ATXN1: variants seen among roughly 807,000 people sequenced by gnomAD.
ATXN1 encodes ataxin 1, also known as ataxin-1.
Under a neutral mutation model 56.4 loss-of-function variants are expected in ATXN1, and 8 were observed. That is an observed-to-expected ratio of 0.14 (90% CI 0.08 to 0.26). The LOEUF is 0.26. ATXN1 is among the 10% of genes least tolerant of loss of function. The pLI, the probability that ATXN1 is intolerant of heterozygous loss-of-function variation, is 1.00. For missense variants in ATXN1, 987 were observed against 1,106.5 expected (o/e 0.89, Z 1.53); for synonymous variants, 514 against 494.6 (o/e 1.04, Z -0.52).
chr6:16,709,025 C>T (rs1350297889), intron 2 of ATXN1, among the ~76,000 whole-genome samples: 1 of 120,994 alleles, frequency 8.3e-6, no homozygotes, highest in Non-Finnish European at 1.8e-5. Flanking sequence ...AACTCTGTCT[C>T]AAAAAAAAAA....
intron 2 of ATXN1, among the ~76,000 whole-genome samples, chr6:16,724,354 C>T (rs1010205759): frequency 7.2e-5 from 11 of 152,016 alleles, no homozygotes; most frequent in Admixed American, 7.2e-4. Flanking sequence ...GCTTTCAGTT[C>T]TTTGTGCATC....
intron 3 of ATXN1, among the ~76,000 whole-genome samples, chr6:16,656,485 G>C (rs1235632050): frequency 6.7e-6 from 1 of 149,052 alleles, no homozygotes; most frequent in African/African-American, 2.6e-5. Flanking sequence ...GTAATATCAT[G>C]AACGGGGTTG....
chr6:16,613,362 T>C (rs867296451), intron 3 of ATXN1, among the ~76,000 whole-genome samples: 3 of 150,990 alleles, frequency 2.0e-5, no homozygotes, highest in Non-Finnish European at 3.0e-5. Flanking sequence ...TTTTAAAATA[T>C]ATACAAAATG....
At chr6:16,361,783 G>C (rs925101707) in intron 6 of ATXN1, among the ~76,000 whole-genome samples, 1 of 152,100 alleles carries the variant, frequency 6.6e-6, no homozygotes, top group Non-Finnish European at 1.5e-5. Context: ...ACTCATTATG[G>C]GAATCATTAC....
intron 6 of ATXN1, among the ~76,000 whole-genome samples, chr6:16,412,773 G>T (rs539105653): frequency 1.3e-5 from 2 of 152,268 alleles, no homozygotes; most frequent in East Asian, 3.9e-4. Context: ...GACTTTCTTT[G>T]TCCTTTTCTC....
chr6:16,434,980 C>G, intron 6 of ATXN1, among the ~76,000 whole-genome samples: 1 of 152,062 alleles, frequency 6.6e-6, no homozygotes, highest in Middle Eastern at 3.4e-3. Context: ...GATAGTGGGC[C>G]GGAAGAGAGA....
At chr6:16,420,533 G>A (rs540064241) in intron 6 of ATXN1, among the ~76,000 whole-genome samples, 116 of 152,316 alleles carry the variant, frequency 7.6e-4, no homozygotes, top group Non-Finnish European at 1.4e-3. Context: ...AGCCTGCATA[G>A]AGGCAGATGT....
intron 3 of ATXN1, among the ~76,000 whole-genome samples, chr6:16,631,764 G>A (rs951887541): frequency 2.0e-5 from 3 of 152,162 alleles, no homozygotes; most frequent in African/African-American, 7.2e-5. Flanking sequence ...TAATCAATAA[G>A]AGTTTTGTTT....
chr6:16,720,870 C>CA (rs1433513097), intron 2 of ATXN1, among the ~76,000 whole-genome samples: 1 of 152,204 alleles, frequency 6.6e-6, no homozygotes, highest in Non-Finnish European at 1.5e-5. Context: ...ACCCATCCAG[C>CA]AAAATATTTC....
intron 2 of ATXN1, among the ~76,000 whole-genome samples, chr6:16,662,428 G>T (rs1758338734): frequency 6.6e-6 from 1 of 152,144 alleles, no homozygotes; most frequent in Non-Finnish European, 1.5e-5. Context: ...TGCCTCTCAG[G>T]TTCAAGCAAT....
intron 5 of ATXN1, among the ~76,000 whole-genome samples, chr6:16,512,659 C>T (rs1382352850): frequency 2.0e-5 from 3 of 152,222 alleles, no homozygotes; most frequent in Non-Finnish European, 4.4e-5. Context: ...ATATAGCAGG[C>T]TCTGTGGTCT....
intron 6 of ATXN1, among the ~76,000 whole-genome samples, chr6:16,461,568 G>C (rs1225339821): frequency 1.3e-5 from 2 of 152,230 alleles, no homozygotes; most frequent in East Asian, 1.9e-4. Flanking sequence ...CCTAAGTCAA[G>C]GGGATTTCAA....
At chr6:16,639,542 A>G (rs1331144677) in intron 3 of ATXN1, among the ~76,000 whole-genome samples, 1 of 152,104 alleles carries the variant, frequency 6.6e-6, no homozygotes, top group East Asian at 1.9e-4. Context: ...TTGAACTCCC[A>G]ACCTCAGGTG....
At chr6:16,565,156 C>T (rs756603104) in intron 4 of ATXN1, among the ~76,000 whole-genome samples, 1 of 152,228 alleles carries the variant, frequency 6.6e-6, no homozygotes, top group East Asian at 1.9e-4. Context: ...TCTTCACAGG[C>T]GAAAGCTTTA....
At chr6:16,412,814 A>C (rs1397754431) in intron 6 of ATXN1, among the ~76,000 whole-genome samples, 2 of 152,222 alleles carry the variant, frequency 1.3e-5, no homozygotes, top group Non-Finnish European at 2.9e-5. Flanking sequence ...CAAATTCCCC[A>C]AAGGTCATGA....
intron 6 of ATXN1, among the ~76,000 whole-genome samples, chr6:16,451,615 C>T (rs1581772060): frequency 6.6e-6 from 1 of 151,794 alleles, no homozygotes; most frequent in Non-Finnish European, 1.5e-5. Flanking sequence ...ATTAGCCGGG[C>T]GTGGTGGCAC....
At chr6:16,398,286 T>A (rs1310630241) in intron 6 of ATXN1, among the ~76,000 whole-genome samples, 1 of 152,212 alleles carries the variant, frequency 6.6e-6, no homozygotes, top group Non-Finnish European at 1.5e-5. Flanking sequence ...CACTTCCACC[T>A]GAATTCCTAA....
Position 16,389,269 on chromosome 6 carries a change from G to C in ATXN1, c.-160-60799C>G, listed in dbSNP as rs1192204134. On this transcript the variant is annotated intron_variant, in intron 6 of 7. Transcript: ENST00000436367. ...GGAGAATCGCTTGAACCCGGGAGGC[G>C]GAGGTTGTAGTGAGTGGAGATGGCG... 2.7e-5 allele frequency among the ~76,000 whole-genome samples: 4 copies of C among 149,386 alleles called. No individual in the cohort carries two copies. In the East Asian group the frequency reaches 7.8e-4, roughly 29 times the overall value.
At chr6:16,686,232 G>T (rs1057167818) in intron 2 of ATXN1, among the ~76,000 whole-genome samples, 2 of 152,054 alleles carry the variant, frequency 1.3e-5, no homozygotes, top group Non-Finnish European at 2.9e-5. Flanking sequence ...ATAACACAGA[G>T]TCTTAAATTT....
Sources: allele counts gnomAD v4.1 joint callset (sites outside exome capture counted in the v4.1 genomes callset), GRCh38; gene constraint gnomAD v4.1.1; transcripts MANE v1.5; gene names NCBI Gene and HGNC (gene_info 2026-07-23, HGNC 2026-07-21).